Variants in KIAA0825 observed in about 807,000 individuals in gnomAD.
KIAA0825 encodes the protein uncharacterized protein KIAA0825.
Under a neutral mutation model 147.6 loss-of-function variants are expected in KIAA0825, and 119 were observed. The observed-to-expected ratio is 0.81, with a 90% CI of 0.69 to 0.94. KIAA0825 has a LOEUF of 0.94. Ranked by LOEUF, KIAA0825 falls within the 40% of genes least tolerant of loss-of-function variation. The pLI is 0.00. For synonymous variants in KIAA0825, 470 were observed against 518.1 expected (o/e 0.91, Z 1.26); for missense variants, 1,381 against 1,472.7 (o/e 0.94, Z 1.02).
chr5:94,392,091 G>A lies in KIAA0825; in HGVS notation c.3297-397C>T, dbSNP rs942402575. ...AAAAGTATCTTTGATGCCTGAAATA[G>A]CTTTGGTATTTTGTCTTTTGTAGCT... On this transcript the variant is annotated intron_variant, in intron 17 of 20. Transcript: ENST00000682413. 2.0e-5 allele frequency among the ~76,000 whole-genome samples: 3 copies of A among 152,224 alleles called. No individual in the cohort carries two copies. The East Asian group carries it at 5.8e-4, about 29-fold the overall frequency.
At chr5:94,561,533 G>A (rs1052682617) in intron 2 of KIAA0825, among the ~76,000 whole-genome samples, 2 of 152,140 alleles carry the variant, frequency 1.3e-5, no homozygotes, top group African/African-American at 4.8e-5. Flanking sequence ...GTGGGGTCCT[G>A]GTAGTGTCAG....
chr5:94,339,339 A>C (rs1782123169), intron 20 of KIAA0825, among the ~76,000 whole-genome samples: 2 of 152,316 alleles, frequency 1.3e-5, no homozygotes, highest in East Asian at 3.9e-4. Context: ...ATGAGTTGCT[A>C]AAAATTGTAG....
At chr5:94,593,905 A>T in intron 1 of KIAA0825, 1 of 420,742 alleles carries the variant, frequency 2.4e-6, no homozygotes. Context: ...ATTTGGACGA[A>T]GTGGGAATAT....
intron 20 of KIAA0825, among the ~76,000 whole-genome samples, chr5:94,161,918 A>T (rs1342125452): frequency 6.6e-6 from 1 of 152,208 alleles, no homozygotes; most frequent in Non-Finnish European, 1.5e-5. Context: ...TAAACATGGC[A>T]GAGTGAGGAT....
At chr5:94,487,518 T>G (rs761919843) in intron 5 of KIAA0825, among the ~76,000 whole-genome samples, 13 of 152,230 alleles carry the variant, frequency 8.5e-5, no homozygotes, top group Non-Finnish European at 1.3e-4. Flanking sequence ...ATAGGACTAG[T>G]GTCCTAATCA....
intron 20 of KIAA0825, among the ~76,000 whole-genome samples, chr5:94,221,677 G>T (rs1773677910): frequency 6.6e-6 from 1 of 152,128 alleles, no homozygotes; most frequent in African/African-American, 2.4e-5. Flanking sequence ...TTCCTCTGCT[G>T]CCTGAGCTTT....
Position 94,417,377 on chromosome 5 carries a change from C to T in KIAA0825, c.2498-12G>A, listed in dbSNP as rs992162499. The stretch of plus-strand genomic sequence containing the variant: ...GTCGGAAACTTGTTCTTGAAAGGTA[C>T]GTTCTTGAAAGGAATCAAAATGATT... On this transcript the variant is annotated splice_polypyrimidine_tract_variant and intron_variant, in intron 14 of 20. Coordinates refer to ENST00000682413, the MANE Select transcript of KIAA0825 (RefSeq NM_001145678.3). 32 of 1,535,446 alleles carry T rather than the reference C, an allele frequency of 2.1e-5. No homozygotes were observed. The highest frequency in any genetic ancestry group is 8.0e-5 in the Admixed American group (4 of 50,282).
intron 1 of KIAA0825, among the ~76,000 whole-genome samples, chr5:94,595,684 T>A (rs1785179514): frequency 6.6e-6 from 1 of 152,262 alleles, no homozygotes; most frequent in African/African-American, 2.4e-5. Context: ...ATCAGCAGGC[T>A]ACAAAGTTTC....
chr5:94,250,398 A>C (rs1033533122), intron 20 of KIAA0825, among the ~76,000 whole-genome samples: 1 of 152,180 alleles, frequency 6.6e-6, no homozygotes, highest in Non-Finnish European at 1.5e-5. Flanking sequence ...TATAATTATT[A>C]AGACATTATT....
intron 6 of KIAA0825, among the ~76,000 whole-genome samples, chr5:94,480,699 T>G (rs957896848): frequency 6.6e-6 from 1 of 152,130 alleles, no homozygotes; most frequent in Admixed American, 6.6e-5. Context: ...ACAAACCATC[T>G]GCCTATATTC....
At chr5:94,155,758 T>A (rs956097408) in intron 20 of KIAA0825, among the ~76,000 whole-genome samples, 1 of 152,202 alleles carries the variant, frequency 6.6e-6, no homozygotes, top group African/African-American at 2.4e-5. Flanking sequence ...GCTGCCTTAG[T>A]TTCTCCACGT....
intron 20 of KIAA0825, among the ~76,000 whole-genome samples, chr5:94,330,241 C>A (rs958328265): frequency 6.6e-6 from 1 of 152,186 alleles, no homozygotes; most frequent in African/African-American, 2.4e-5. Flanking sequence ...TGACCTAACT[C>A]ATATTTATAG....
chr5:94,353,950 G>C (rs138775028), intron 20 of KIAA0825, among the ~76,000 whole-genome samples: 127 of 152,068 alleles, frequency 8.4e-4, no homozygotes, highest in African/African-American at 3.0e-3. Context: ...TATTTTTACT[G>C]TTCTCCATCA....
chr5:94,172,345 G>A (rs574284862), intron 20 of KIAA0825, among the ~76,000 whole-genome samples: 4 of 152,302 alleles, frequency 2.6e-5, no homozygotes, highest in Admixed American at 6.5e-5. Context: ...TTTGCAAAAT[G>A]TATGGATAGT....
intron 20 of KIAA0825, among the ~76,000 whole-genome samples, chr5:94,192,284 A>G (rs1043134071): frequency 2.6e-5 from 4 of 152,216 alleles, no homozygotes; most frequent in African/African-American, 7.2e-5. Flanking sequence ...GGTCACTTGT[A>G]TAATATTCTT....
chr5:94,467,676 T>C (rs1302968097), intron 10 of KIAA0825, among the ~76,000 whole-genome samples: 1 of 152,216 alleles, frequency 6.6e-6, no homozygotes, highest in East Asian at 1.9e-4. Context: ...TGAGCAAACA[T>C]TGCTGCATAT....
chr5:94,251,485 C>T (rs1477342932), intron 20 of KIAA0825, among the ~76,000 whole-genome samples: 1 of 152,050 alleles, frequency 6.6e-6, no homozygotes. Context: ...TGCTTGTAAT[C>T]CTGTCACTTC....
intron 20 of KIAA0825, among the ~76,000 whole-genome samples, chr5:94,352,447 G>A (rs1290340847): frequency 1.3e-5 from 2 of 152,160 alleles, no homozygotes; most frequent in African/African-American, 4.8e-5. Context: ...GCAGTGAACA[G>A]GGAACACTTC....
At chr5:94,503,092 T>G (rs1765289601) in intron 5 of KIAA0825, among the ~76,000 whole-genome samples, 1 of 147,854 alleles carries the variant, frequency 6.8e-6, no homozygotes, top group Non-Finnish European at 1.5e-5. Context: ...ATATATGATA[T>G]ATATATATAT....
Sources: gnomAD v4.1 joint callset for allele counts (sites outside exome capture counted in the v4.1 genomes callset) on GRCh38, gnomAD v4.1.1 for gene constraint, MANE v1.5 for transcripts, NCBI Gene and HGNC (gene_info 2026-07-23, HGNC 2026-07-21) for gene names.